SNTG2: variants seen among roughly 807,000 people sequenced by gnomAD.
SNTG2 encodes the protein syntrophin gamma 2.
Under a neutral mutation model 70.9 loss-of-function variants are expected in SNTG2, and 74 were observed. The ratio of observed to expected loss-of-function variants is 1.04; its 90% CI spans 0.86 to 1.27. The LOEUF is 1.27. SNTG2 is among the 50% of genes most tolerant of loss of function. The probability of loss-of-function intolerance (pLI) is 0.00; values close to 1 mark genes in which losing one functional copy is unlikely to be tolerated. For missense variants in SNTG2, 717 were observed against 690.7 expected (o/e 1.04, Z -0.43); for synonymous variants, 278 against 273.8 (o/e 1.02, Z -0.15).
chr2:1,165,543 G>C lies in SNTG2; in HGVS notation c.412-5G>C. ...TAAAAGTAGCTATTTTTGTCATATT[G>C]ACAGGTGCATCTGCTGAGAAATGCT... On this transcript the variant is annotated splice_region_variant and splice_polypyrimidine_tract_variant and intron_variant, in intron 6 of 16. Coordinates refer to ENST00000308624, the MANE Select transcript of SNTG2 (RefSeq NM_018968.4). 1 of 1,610,140 alleles carries C rather than the reference G, an allele frequency of 6.2e-7. No individual in the cohort carries two copies. The highest frequency in any genetic ancestry group is 8.5e-7 in the Non-Finnish European group (1 of 1,178,632).
intron 14 of SNTG2, among the ~76,000 whole-genome samples, chr2:1,297,228 C>T (rs923324403): frequency 6.6e-6 from 1 of 152,234 alleles, no homozygotes; most frequent in African/African-American, 2.4e-5. Context: ...ATAAGCTTTT[C>T]TGTCTTCATG....
At chr2:1,298,602 G>A (rs369889504) in intron 14 of SNTG2, among the ~76,000 whole-genome samples, 8 of 152,172 alleles carry the variant, frequency 5.3e-5, no homozygotes, top group Admixed American at 2.0e-4. Flanking sequence ...TTCCACACCC[G>A]CCTTCCCTGG....
At chr2:982,667 C>G (rs1040860203) in intron 1 of SNTG2, among the ~76,000 whole-genome samples, 5 of 152,252 alleles carry the variant, frequency 3.3e-5, no homozygotes, top group African/African-American at 1.2e-4. Flanking sequence ...CTGAAAGAAG[C>G]AGCGTGGACA....
chr2:1,196,377 A>C (rs904305684), intron 8 of SNTG2, among the ~76,000 whole-genome samples: 9 of 152,338 alleles, frequency 5.9e-5, no homozygotes, highest in Non-Finnish European at 1.2e-4. Context: ...GACATATGGG[A>C]CACATTAAAA....
At chr2:1,279,332 A>T (rs1423127951) in intron 14 of SNTG2, among the ~76,000 whole-genome samples, 3 of 152,256 alleles carry the variant, frequency 2.0e-5, no homozygotes, top group Non-Finnish European at 4.4e-5. Context: ...TTGTTTTATT[A>T]TTCATTTCTA....
chr2:1,239,171 T>C (rs1676883348), intron 10 of SNTG2, among the ~76,000 whole-genome samples: 1 of 152,220 alleles, frequency 6.6e-6, no homozygotes, highest in South Asian at 2.1e-4. Flanking sequence ...AGTTCTGTCA[T>C]TTCACAAATC....
intron 2 of SNTG2, among the ~76,000 whole-genome samples, chr2:1,092,264 A>C (rs7590562): frequency 2.6e-5 from 4 of 150,946 alleles, no homozygotes; most frequent in East Asian, 2.0e-4. Flanking sequence ...AGAAAAAAAA[A>C]CCCTTATTTT....
At chr2:1,231,068 T>G (rs1441942169) in intron 9 of SNTG2, among the ~76,000 whole-genome samples, 1 of 148,566 alleles carries the variant, frequency 6.7e-6, no homozygotes, top group African/African-American at 2.6e-5. Context: ...GTGAAATAGA[T>G]CCGAAAGGTG....
intron 1 of SNTG2, among the ~76,000 whole-genome samples, chr2:1,017,537 A>G (rs1375866377): frequency 6.9e-6 from 1 of 144,126 alleles, no homozygotes; most frequent in Admixed American, 7.0e-5. Flanking sequence ...ATGCATATCC[A>G]CACAGGCAGG....
At chr2:1,077,653 C>A (rs1447154831) in intron 1 of SNTG2, among the ~76,000 whole-genome samples, 1 of 152,136 alleles carries the variant, frequency 6.6e-6, no homozygotes, top group African/African-American at 2.4e-5. Flanking sequence ...GCTTTTGAGT[C>A]ACACTAACCC....
chr2:1,222,089 C>A lies in SNTG2; in HGVS notation c.719+12859C>A, dbSNP rs1553362222. On this transcript the variant is annotated intron_variant, in intron 9 of 16. Transcript: ENST00000308624. The stretch of plus-strand genomic sequence containing the variant: ...TTTCTCTCTGTCTCTGTCTCTGTCT[C>A]TCTCTGTCTCTCTCTGTCTCTCTCT... Among the ~76,000 whole-genome samples the A allele has an allele frequency of 1.3e-3, 21 of 16,038 alleles. 6 individuals carry two copies. Among genetic ancestry groups the A allele is most frequent in the African/African-American group, 3.9e-3 (16 of 4,128 alleles). The allele number at this position is 16,038 out of a possible 152,430, so 10.5% of individuals were successfully genotyped here.
At chr2:1,251,877 G>A (rs1448884646) in intron 12 of SNTG2, among the ~76,000 whole-genome samples, 1 of 152,234 alleles carries the variant, frequency 6.6e-6, no homozygotes, top group African/African-American at 2.4e-5. Context: ...GCGTGTGGAT[G>A]TGAGAGGAGG....
At chr2:1,308,270 G>A (rs1158457225) in intron 14 of SNTG2, among the ~76,000 whole-genome samples, 2 of 152,070 alleles carry the variant, frequency 1.3e-5, no homozygotes, top group East Asian at 3.9e-4. Flanking sequence ...CCACCTCACC[G>A]AGCTGGAAAT....
chr2:1,077,014 TTC>T (rs1258317349), intron 1 of SNTG2, among the ~76,000 whole-genome samples: 3 of 152,216 alleles, frequency 2.0e-5, no homozygotes, highest in African/African-American at 7.2e-5. Context: ...TCTTCTGCTT[TTC>T]ACACATGCTT....
chr2:1,230,448 G>A (rs916207703), intron 9 of SNTG2, among the ~76,000 whole-genome samples: 2 of 152,296 alleles, frequency 1.3e-5, no homozygotes, highest in South Asian at 4.1e-4. Flanking sequence ...GCCTTCACCT[G>A]GATGAAAAGC....
At chr2:956,110 G>GCCCTGC (rs1376517465) in intron 1 of SNTG2, among the ~76,000 whole-genome samples, 3 of 67,550 alleles carry the variant, frequency 4.4e-5, no homozygotes, top group Non-Finnish European at 8.4e-5. Context: ...CCCTACCCCT[G>GCCCTGC]CCCTGCCCCT....
chr2:1,155,407 C>T (rs111570223), intron 6 of SNTG2, among the ~76,000 whole-genome samples: 3 of 152,000 alleles, frequency 2.0e-5, no homozygotes, highest in African/African-American at 4.8e-5. Context: ...CATATACATG[C>T]CCCACATCAC....
chr2:1,340,245 G>T (rs772751203), intron 16 of SNTG2, among the ~76,000 whole-genome samples: 37 of 152,190 alleles, frequency 2.4e-4, no homozygotes, highest in Admixed American at 1.5e-3. Context: ...TTAAAGAACC[G>T]AGATGCCGGT....
intron 8 of SNTG2, among the ~76,000 whole-genome samples, chr2:1,207,889 T>C (rs917739050): frequency 1.3e-5 from 2 of 152,178 alleles, no homozygotes; most frequent in African/African-American, 2.4e-5. Context: ...GATTAACCAA[T>C]GTGTAAGGTA....
Sources: gnomAD v4.1 joint callset for allele counts (sites outside exome capture counted in the v4.1 genomes callset) on GRCh38, gnomAD v4.1.1 for gene constraint, MANE v1.5 for transcripts, NCBI Gene and HGNC (gene_info 2026-07-23, HGNC 2026-07-21) for gene names.